Variants in MYO3B observed in about 807,000 individuals in gnomAD.
The protein encoded by MYO3B is myosin-IIIb.
A neutral mutation model predicts 174.6 loss-of-function variants in MYO3B; 156 were observed. That is an observed-to-expected ratio of 0.89 (90% CI 0.78 to 1.02). The LOEUF is 1.02. Ranked by LOEUF, MYO3B falls within the 50% of genes least tolerant of loss-of-function variation. The probability of loss-of-function intolerance (pLI) is 0.00; values close to 1 mark genes in which losing one functional copy is unlikely to be tolerated. For missense variants in MYO3B, 1,632 were observed against 1,639.4 expected (o/e 1.00, Z 0.08); for synonymous variants, 563 against 569.1 (o/e 0.99, Z 0.15).
intron 32 of MYO3B, among the ~76,000 whole-genome samples, chr2:170,573,917 A>G (rs532544883): frequency 1.2e-4 from 18 of 152,296 alleles, no homozygotes; most frequent in African/African-American, 4.1e-4. Flanking sequence ...AATTGTGTTC[A>G]GTGACTGCCT....
At chr2:170,531,512 A>C (rs77200211) in intron 30 of MYO3B, among the ~76,000 whole-genome samples, 2,137 of 152,312 alleles carry the variant, frequency 0.014, 54 homozygotes, top group African/African-American at 0.049. Context: ...CCAAGACATG[A>C]AAGTTAAATG....
chr2:170,210,256 A>T (rs1218225641), intron 3 of MYO3B, among the ~76,000 whole-genome samples: 1 of 152,190 alleles, frequency 6.6e-6, no homozygotes, highest in Non-Finnish European at 1.5e-5. Flanking sequence ...CACACACTGA[A>T]TTTTTGCAAT....
chr2:170,405,888 GAC>G (rs1209589407), intron 21 of MYO3B, among the ~76,000 whole-genome samples: 1 of 152,186 alleles, frequency 6.6e-6, no homozygotes, highest in Non-Finnish European at 1.5e-5. Context: ...GCCTAGAACT[GAC>G]AGCTCTCCAG....
chr2:170,463,588 AG>A, intron 24 of MYO3B, 143 bp downstream of exon 24: 5 of 699,878 alleles, frequency 7.1e-6, no homozygotes, highest in Non-Finnish European at 1.2e-5. Context: ...GGTGGAAGCA[AG>A]GAAGGAAGAG....
At chr2:170,384,840 C>G (rs966389443) in intron 12 of MYO3B, among the ~76,000 whole-genome samples, 1 of 152,158 alleles carries the variant, frequency 6.6e-6, no homozygotes, top group African/African-American at 2.4e-5. Flanking sequence ...TCTGACACTA[C>G]CTGGAGTTAG....
At chr2:170,269,152 G>A (rs548379231) in intron 7 of MYO3B, among the ~76,000 whole-genome samples, 2 of 152,272 alleles carry the variant, frequency 1.3e-5, no homozygotes, top group South Asian at 4.1e-4. Context: ...CTGCCATACA[G>A]AGTGTGAGCC....
intron 30 of MYO3B, among the ~76,000 whole-genome samples, chr2:170,523,670 G>T (rs1472926159): frequency 6.6e-6 from 1 of 152,188 alleles, no homozygotes; most frequent in African/African-American, 2.4e-5. Context: ...TTGCTTTGCT[G>T]TTCTCAGCAT....
Position 170,432,266 on chromosome 2 carries a change from C to T in MYO3B, c.2651-11701C>T, listed in dbSNP as rs540387678. 9.3e-4 allele frequency among the ~76,000 whole-genome samples: 142 copies of T among 152,062 alleles called. 1 individual carries two copies. The highest frequency in any genetic ancestry group is 3.3e-3 in the African/African-American group (139 of 41,494). ...TCCCTGTGTGTTATTGCCCCATAGACCTTACAGTGGGATAAGATGTGTGGA... is the reference window on the plus strand; with the variant it reads ...TCCCTGTGTGTTATTGCCCCATAGATCTTACAGTGGGATAAGATGTGTGGA... On this transcript the variant is annotated intron_variant, in intron 22 of 34. Coordinates refer to ENST00000408978, the MANE Select transcript of MYO3B (RefSeq NM_138995.5).
At chr2:170,460,097 T>C (rs2105949508) in intron 23 of MYO3B, among the ~76,000 whole-genome samples, 1 of 152,160 alleles carries the variant, frequency 6.6e-6, no homozygotes, top group Non-Finnish European at 1.5e-5. Context: ...GCTGAAGGGC[T>C]CCTCAAGCGT....
Position 170,498,674 on chromosome 2 carries a change from T to A in MYO3B, c.3097T>A (p.Leu1033Ile). ...TGTGGCTATCTTGGAAAAGTCCAGA[T>A]TAGATCACTGGGTACTGGGAAAAAC... is the stretch of plus-strand genomic sequence containing the variant. ...SCVAILEKSR[L>I]DHWVLGKTKV... The change falls in exon 26 of 35, where the codon TTA (leucine) becomes ATA (isoleucine). Residue 1033 changes from leucine to isoleucine, a missense_variant. Transcript: ENST00000408978. 1.2e-6 allele frequency: 2 copies of A among 1,613,332 alleles called. No individual in the cohort carries two copies. Among genetic ancestry groups the A allele is most frequent in the Non-Finnish European group, 1.7e-6 (2 of 1,179,272 alleles).
chr2:170,466,763 G>C, intron 25 of MYO3B, 52 bp downstream of exon 25: 1 of 1,550,778 alleles, frequency 6.4e-7, no homozygotes, highest in African/African-American at 1.4e-5. Context: ...CTCTACTCTG[G>C]CCATCCCTGT....
intron 32 of MYO3B, among the ~76,000 whole-genome samples, chr2:170,637,331 C>T (rs1697599623): frequency 6.6e-6 from 1 of 151,798 alleles, no homozygotes; most frequent in African/African-American, 2.4e-5. Context: ...GCCACCAGGC[C>T]CGGCTAATTT....
chr2:170,223,498 G>A (rs1306850156), intron 6 of MYO3B, among the ~76,000 whole-genome samples: 2 of 152,210 alleles, frequency 1.3e-5, no homozygotes, highest in Non-Finnish European at 2.9e-5. Flanking sequence ...CAGGCCAAGT[G>A]TCCATAGACA....
At chr2:170,437,778 C>G (rs2094765499) in intron 22 of MYO3B, among the ~76,000 whole-genome samples, 1 of 152,028 alleles carries the variant, frequency 6.6e-6, no homozygotes, top group Admixed American at 6.6e-5. Context: ...TCCTTACTGC[C>G]CAGTCTACTA....
intron 7 of MYO3B, among the ~76,000 whole-genome samples, chr2:170,276,974 A>G (rs1189376167): frequency 6.6e-6 from 1 of 152,142 alleles, no homozygotes; most frequent in African/African-American, 2.4e-5. Context: ...GTAAATTGTT[A>G]TTATTCAAAA....
chr2:170,358,446 G>A (rs2094138538), intron 8 of MYO3B, among the ~76,000 whole-genome samples: 1 of 152,120 alleles, frequency 6.6e-6, no homozygotes, highest in Non-Finnish European at 1.5e-5. Context: ...TATAGGGTGT[G>A]AATGCTAATG....
chr2:170,253,946 C>T (rs968342806), intron 7 of MYO3B, among the ~76,000 whole-genome samples: 3 of 151,988 alleles, frequency 2.0e-5, no homozygotes, highest in Admixed American at 1.3e-4. Flanking sequence ...GGAAGTGCCT[C>T]TCCCACTGAG....
At chr2:170,370,415 G>A (rs1385322277) in intron 9 of MYO3B, among the ~76,000 whole-genome samples, 1 of 152,090 alleles carries the variant, frequency 6.6e-6, no homozygotes, top group African/African-American at 2.4e-5. Flanking sequence ...GGATAGCTCA[G>A]AGGGGATTTT....
intron 32 of MYO3B, among the ~76,000 whole-genome samples, chr2:170,604,920 A>T (rs1416318066): frequency 1.3e-5 from 2 of 152,290 alleles, no homozygotes; most frequent in East Asian, 3.9e-4. Flanking sequence ...GATTTTTCAC[A>T]GTCTCTCTTT....
Sources: allele counts gnomAD v4.1 joint callset (sites outside exome capture counted in the v4.1 genomes callset), GRCh38; gene constraint gnomAD v4.1.1; transcripts MANE v1.5; gene names NCBI Gene and HGNC (gene_info 2026-07-23, HGNC 2026-07-21).